CDK15: variants seen among roughly 807,000 people sequenced by gnomAD.
CDK15 encodes cyclin-dependent kinase 15.
Under a neutral mutation model 60.3 loss-of-function variants are expected in CDK15, and 62 were observed. The ratio of observed to expected loss-of-function variants is 1.03; its 90% CI spans 0.84 to 1.27. The LOEUF (loss-of-function observed/expected upper bound fraction) is 1.27. CDK15 is among the 50% of genes most tolerant of loss of function. The pLI is 0.00. For synonymous variants in CDK15, 194 were observed against 195.7 expected (o/e 0.99, Z 0.07); for missense variants, 541 against 527.8 (o/e 1.03, Z -0.25).
rs569589547 is a variant in CDK15 at position 201,828,660 on chromosome 2, T to A, written c.606+4933T>A. On this transcript the variant is annotated intron_variant, in intron 6 of 13. Coordinates refer to ENST00000652192, the MANE Select transcript of CDK15 (RefSeq NM_001366386.2). Reference sequence around the variant, plus strand: ...TTATCCAAATCAAAGCAGGTGGGAGTAGGGATGAGTTCTCCAAGGTGGAGG... The same window carrying A: ...TTATCCAAATCAAAGCAGGTGGGAGAAGGGATGAGTTCTCCAAGGTGGAGG... Among the ~76,000 whole-genome samples, 5 of 151,676 alleles carry A rather than the reference T, an allele frequency of 3.3e-5. No homozygotes were observed. The East Asian group carries it at 9.7e-4, about 29-fold the overall frequency.
chr2:201,852,556 A>G (rs1353248531), intron 9 of CDK15, among the ~76,000 whole-genome samples: 1 of 152,230 alleles, frequency 6.6e-6, no homozygotes, highest in Admixed American at 6.5e-5. Context: ...AGAATAAACT[A>G]TGCAAACTTT....
In CDK15 at chr2:201,861,007, C is replaced by T. The variant is rs886628248; in HGVS notation, c.1009+6070C>T. ...CACAAGCTAAGGTCTGCATCTGGGT[C>T]GGCATCAGCTTGGTTGTATGAGCTA... On this transcript the variant is annotated intron_variant, in intron 10 of 13. Transcript: ENST00000652192. 1.4e-5 allele frequency: 17 copies of T among 1,173,182 alleles called. No homozygotes were observed. The Admixed American group carries it at 2.7e-4, about 18-fold the overall frequency. 72.7% of individuals were successfully genotyped at this position (1,173,182 alleles called of 1,614,324 possible). A position where few individuals can be genotyped will look rare whatever the true frequency, so the allele number is the denominator to read the frequency against.
chr2:201,855,658 G>A (rs1698113073), intron 10 of CDK15, among the ~76,000 whole-genome samples: 1 of 152,120 alleles, frequency 6.6e-6, no homozygotes, highest in African/African-American at 2.4e-5. Context: ...AGCAAATAAA[G>A]CCCATGCCAA....
intron 6 of CDK15, among the ~76,000 whole-genome samples, chr2:201,830,609 G>T (rs1435747291): frequency 6.6e-6 from 1 of 152,196 alleles, no homozygotes; most frequent in South Asian, 2.1e-4. Context: ...TGGAGCTGAG[G>T]TTGGCTAGAG....
chr2:201,830,958 G>A (rs776809933), intron 6 of CDK15, among the ~76,000 whole-genome samples: 1 of 152,200 alleles, frequency 6.6e-6, no homozygotes, highest in Non-Finnish European at 1.5e-5. Flanking sequence ...GGAGCCAAAA[G>A]GAAATTCACC....
chr2:201,870,357 G>A (rs1485437528), intron 10 of CDK15, among the ~76,000 whole-genome samples: 1 of 152,020 alleles, frequency 6.6e-6, no homozygotes, highest in African/African-American at 2.4e-5. Flanking sequence ...ATTCTTTGTT[G>A]TGATGAACAG....
intron 12 of CDK15, among the ~76,000 whole-genome samples, chr2:201,890,026 G>A (rs930128222): frequency 2.0e-5 from 3 of 148,062 alleles, no homozygotes; most frequent in Non-Finnish European, 4.4e-5. Flanking sequence ...TCCAGCCTGG[G>A]CCACAGAGTG....
chr2:201,864,378 C>T (rs952330188), intron 10 of CDK15, among the ~76,000 whole-genome samples: 7 of 152,136 alleles, frequency 4.6e-5, no homozygotes, highest in Admixed American at 6.5e-5. Flanking sequence ...GGTACAGTGG[C>T]GCGATCTTGG....
chr2:201,833,911 G>T lies in CDK15; in HGVS notation c.670G>T (p.Asp224Tyr). 6.2e-7 allele frequency: 1 copy of T among 1,613,860 alleles called. No individual in the cohort carries two copies. Among genetic ancestry groups the T allele is most frequent in the East Asian group, 2.2e-5 (1 of 44,874 alleles). ...CCACCACCAACACGTTCTTCACAGG[G>T]ACCTGAAACCTCAGAACTTACTCAT... ...YIHHQHVLHR[D>Y]LKPQNLLISH... Residue 224 changes from aspartate to tyrosine, a missense_variant, in exon 7 of 14, where the codon GAC (aspartate) becomes TAC (tyrosine). By Grantham distance (160) the Asp-to-Tyr change is radical. Transcript: ENST00000652192.
At chr2:201,883,733 C>T (rs1178505930) in intron 12 of CDK15, among the ~76,000 whole-genome samples, 1 of 152,218 alleles carries the variant, frequency 6.6e-6, no homozygotes, top group Non-Finnish European at 1.5e-5. Context: ...GCCAGGGAGT[C>T]GCTCTTCCCA....
chr2:201,824,741 T>A (rs957724089), intron 6 of CDK15: 6 of 637,758 alleles, frequency 9.4e-6, no homozygotes, highest in Admixed American at 3.5e-5. Flanking sequence ...TCATATATCA[T>A]CAAAGTTATC....
At chr2:201,821,500 A>G (rs1696217690) in intron 4 of CDK15, among the ~76,000 whole-genome samples, 1 of 152,142 alleles carries the variant, frequency 6.6e-6, no homozygotes, top group Non-Finnish European at 1.5e-5. Context: ...GGAGTATTTC[A>G]GTTGTTTTTA....
chr2:201,875,395 A>G (rs1699038279), intron 11 of CDK15, among the ~76,000 whole-genome samples: 1 of 152,232 alleles, frequency 6.6e-6, no homozygotes, highest in Non-Finnish European at 1.5e-5. Flanking sequence ...TCTAGCTGAT[A>G]GTATGAATCA....
At chr2:201,854,771 G>A (rs1347521658) in intron 9 of CDK15, 103 bp from the exon 10 acceptor site, 13 of 916,334 alleles carry the variant, frequency 1.4e-5, no homozygotes, top group Admixed American at 1.1e-4. Context: ...TACATCTGAC[G>A]CTTCCCTGTT....
At chr2:201,854,427 T>C (rs1389387644) in intron 9 of CDK15, among the ~76,000 whole-genome samples, 1 of 152,230 alleles carries the variant, frequency 6.6e-6, no homozygotes, top group Non-Finnish European at 1.5e-5. Flanking sequence ...AACAGCTGAA[T>C]ACCCATGCTG....
At chr2:201,847,234 C>A (rs1435121927) in intron 8 of CDK15, 147 bp from the exon 9 acceptor site, 3 of 686,064 alleles carry the variant, frequency 4.4e-6, no homozygotes, top group Non-Finnish European at 4.6e-6. Flanking sequence ...GACATAGGGA[C>A]TTTTTTTTTG....
intron 6 of CDK15, among the ~76,000 whole-genome samples, chr2:201,831,449 T>C (rs1696750189): frequency 6.6e-6 from 1 of 152,142 alleles, no homozygotes. Context: ...ACCATCATAT[T>C]TGGTTATGTT....
intron 9 of CDK15, among the ~76,000 whole-genome samples, chr2:201,852,223 G>A (rs780500488): frequency 5.9e-5 from 9 of 152,132 alleles, no homozygotes; most frequent in Admixed American, 6.5e-5. Context: ...TTTACTAAAC[G>A]TAGCCTACAC....
At chr2:201,823,119 T>A (rs1391042596) in intron 5 of CDK15, among the ~76,000 whole-genome samples, 1 of 152,220 alleles carries the variant, frequency 6.6e-6, no homozygotes, top group Non-Finnish European at 1.5e-5. Flanking sequence ...TTTCCCCTCA[T>A]CAGCAATAAT....
Sources: gnomAD v4.1 joint callset for allele counts (sites outside exome capture counted in the v4.1 genomes callset) on GRCh38, gnomAD v4.1.1 for gene constraint, MANE v1.5 for transcripts, NCBI Gene and HGNC (gene_info 2026-07-23, HGNC 2026-07-21) for gene names.